CYP2F1: variants seen among roughly 807,000 people sequenced by gnomAD.
CYP2F1 encodes the protein cytochrome P450 family 2 subfamily F member 1, also known as cytochrome P450 2F1.
In CYP2F1, 33 loss-of-function variants were observed where a neutral mutation model predicts 40.4. The ratio of observed to expected loss-of-function variants is 0.82; its 90% confidence interval spans 0.62 to 1.09. CYP2F1 has a LOEUF of 1.09. Among genes scored for constraint, CYP2F1 ranks in the 50% least tolerant of loss-of-function variants. The pLI is 0.00. For missense variants in CYP2F1, 566 were observed against 655.7 expected, an observed-to-expected ratio of 0.86 and a Z score of 1.49; for synonymous variants, 235 against 277.2, an observed-to-expected ratio of 0.85 and a Z score of 1.51.
At chr19:41,127,707 G>C (rs1332797334) in intron 9 of CYP2F1, among the ~76,000 whole-genome samples, 194 bp from the exon 10 acceptor site, 1 of 152,140 alleles carries the variant, frequency 6.6e-6, no homozygotes, top group African/African-American at 2.4e-5. Context: ...ACAGGGCCAG[G>C]ATTCGAACCC....
At chr19:41,122,525 CAT>C (rs1406620567) in intron 6 of CYP2F1, among the ~76,000 whole-genome samples, 3 of 151,762 alleles carry the variant, frequency 2.0e-5, no homozygotes, top group African/African-American at 4.9e-5. Flanking sequence ...TACACACACA[CAT>C]ACACACATAC....
At position 41,116,362 on chromosome 19, in the gene CYP2F1, G is replaced by A. The variant is rs74824096; in HGVS notation, c.171+3G>A. ...ACATGCTGACTTCTCTCACTAAGGT[G>A]CAAGGCCCTTAGCTTGGGTGATGGT... On this transcript the variant is annotated splice_donor_region_variant and intron_variant, in intron 2 of 9. Transcript: ENST00000331105. The A allele has an allele frequency of 0.051, 82,798 of 1,613,498 alleles. 2,503 individuals are homozygous for A. The highest frequency in any genetic ancestry group is 0.12 in the Admixed American group (7,152 of 59,912).
chr19:41,124,572 T>C, intron 7 of CYP2F1, 147 bp from the exon 8 acceptor site: 1 of 722,316 alleles, frequency 1.4e-6, no homozygotes, highest in East Asian at 2.8e-5. Context: ...CAGCTCTAGC[T>C]AATTCTCACG....
In CYP2F1 at chr19:41,126,022, A is replaced by G. The variant is rs139750434; in HGVS notation, c.1294+388A>G. Among the ~76,000 whole-genome samples, 907 of 151,828 alleles carry G rather than the reference A, an allele frequency of 6.0e-3. 4 individuals are homozygous for G. The highest frequency in any genetic ancestry group is 0.011 in the Admixed American group (160 of 15,192). ...GTGGTGGGCGCATGTAGTCCCCGCT[A>G]CTCTGGAGGCTGAGACAGGAAAATC... On this transcript the variant is annotated intron_variant, in intron 9 of 9. Coordinates refer to ENST00000331105, the MANE Select transcript of CYP2F1 (RefSeq NM_000774.5).
At chr19:41,127,531 G>C (rs2032590974) in intron 9 of CYP2F1, among the ~76,000 whole-genome samples, 1 of 152,070 alleles carries the variant, frequency 6.6e-6, no homozygotes, top group African/African-American at 2.4e-5. Flanking sequence ...ATGGGATCTT[G>C]CTGTGTTGCC....
At chr19:41,119,474 C>T (rs145737708) in intron 3 of CYP2F1, among the ~76,000 whole-genome samples, 1,688 of 151,736 alleles carry the variant, frequency 0.011, 31 homozygotes, top group African/African-American at 0.037. Context: ...TTAGGCCAGG[C>T]GCAGTGGCTC....
intron 3 of CYP2F1, among the ~76,000 whole-genome samples, chr19:41,117,140 T>C (rs542572225): frequency 1.3e-5 from 2 of 152,222 alleles, no homozygotes; most frequent in South Asian, 2.1e-4. Flanking sequence ...TGAATTTTTT[T>C]TTTTTATCTG....
At chr19:41,118,495 T>C (rs1287006571) in intron 3 of CYP2F1, among the ~76,000 whole-genome samples, 1 of 152,152 alleles carries the variant, frequency 6.6e-6, no homozygotes, top group African/African-American at 2.4e-5. Context: ...TATTACAATA[T>C]TGTGTATTAG....
Position 41,122,909 on chromosome 19 carries a change from A to G in CYP2F1, c.910A>G (p.Ser304Gly). The change falls in exon 7 of 10, where the codon AGC becomes GGC. Residue 304 changes from serine to glycine, a missense_variant. Coordinates refer to ENST00000331105, the MANE Select transcript of CYP2F1 (RefSeq NM_000774.5). Reference sequence around the variant, plus strand: ...GCTCTTTGGCGGCACCAAGACGGTGAGCACCACGCTGCACCACGCCTTCCT... The same window carrying G: ...GCTCTTTGGCGGCACCAAGACGGTGGGCACCACGCTGCACCACGCCTTCCT... ...NLLFGGTKTV[S>G]TTLHHAFLAL... The G allele has an allele frequency of 1.2e-6, 2 of 1,610,570 alleles. No homozygotes were observed. The highest frequency in any genetic ancestry group is 1.1e-5 in the South Asian group (1 of 90,580).
At chr19:41,127,702 G>A (rs978083054) in intron 9 of CYP2F1, among the ~76,000 whole-genome samples, 199 bp from the exon 10 acceptor site, 4 of 152,124 alleles carry the variant, frequency 2.6e-5, no homozygotes, top group Admixed American at 6.6e-5. Flanking sequence ...TAGTGACAGG[G>A]CCAGGATTCG....
intron 4 of CYP2F1, among the ~76,000 whole-genome samples, chr19:41,120,825 ACTT>A (rs2032153079): frequency 6.9e-6 from 1 of 145,414 alleles, no homozygotes; most frequent in African/African-American, 2.6e-5. Flanking sequence ...CATCCATTCT[ACTT>A]TTTTTTTTTT....
rs1456290498 is a variant in CYP2F1 at position 41,119,729 on chromosome 19, A to C, written c.335-618A>C. Among the ~76,000 whole-genome samples, 181 of 39,280 alleles carry C rather than the reference A, an allele frequency of 4.6e-3. 2 individuals carry two copies. The highest frequency in any genetic ancestry group is 7.9e-3 in the African/African-American group (85 of 10,740). The allele number at this position is 39,280 out of a possible 152,430, so 25.8% of individuals were successfully genotyped here. Reference sequence around the variant, plus strand: ...TCTCTCTCTCTCTCTCTCTCTATATATATATATATATATATATATACACAC... The same window carrying C: ...TCTCTCTCTCTCTCTCTCTCTATATCTATATATATATATATATATACACAC... On this transcript the variant is annotated intron_variant, in intron 3 of 9. Transcript: ENST00000331105.
rs1290627675 is a variant in CYP2F1, at chr19:41,119,723, CTATATATA to C, written c.335-605_335-598del. ...TCTCTCTCTCTCTCTCTCTCTCTCT[CTATATATA>C]TATATATATATATATATACACACAC... On this transcript the variant is annotated intron_variant, in intron 3 of 9. Coordinates refer to ENST00000331105, the MANE Select transcript of CYP2F1 (RefSeq NM_000774.5). 1.7e-4 allele frequency among the ~76,000 whole-genome samples: 6 copies of C among 35,830 alleles called. No homozygotes were observed. In the South Asian group the frequency reaches 5.5e-3, roughly 33 times the overall value. 23.5% of individuals were successfully genotyped at this position (35,830 alleles called of 152,430 possible). A position where few individuals can be genotyped will look rare whatever the true frequency, so the allele number is the denominator to read the frequency against.
At position 41,127,906 on chromosome 19, in the gene CYP2F1, C is replaced by T. The variant is rs752314707; in HGVS notation, c.1300C>T (p.Arg434Cys). Residue 434 changes from arginine to cysteine, a missense_variant, in exon 10 of 10, where the codon CGT becomes TGT. Physicochemically the swap from Arg to Cys is radical, Grantham distance 180. Transcript: ENST00000331105. ...CCATCCTGCCACCCCTGCAGGGCGC[C>T]GTCTGTGCCTGGGAGAGTCGCTGGC... is the stretch of plus-strand genomic sequence containing the variant. ...PAFMPFSAGR[R>C]LCLGESLARM... 10 of 1,610,960 alleles carry T rather than the reference C, an allele frequency of 6.2e-6. No homozygotes were observed. Among genetic ancestry groups the T allele is most frequent in the Non-Finnish European group, 5.9e-6 (7 of 1,178,846 alleles).
chr19:41,121,565 A>G lies in CYP2F1; in HGVS notation c.592A>G (p.Ile198Val). ...CTATGATGATGAGCGTCTGCTCACC[A>G]TTATCCGCCTTATCAATGACAACTT... is the stretch of plus-strand genomic sequence containing the variant. Reference protein sequence around the residue: ...FDYDDERLLTIIRLINDNFQI... With the variant: ...FDYDDERLLTVIRLINDNFQI... The change falls in exon 5 of 10, where the codon ATT becomes GTT. Residue 198 changes from isoleucine to valine, a missense_variant. Coordinates refer to ENST00000331105, the MANE Select transcript of CYP2F1 (RefSeq NM_000774.5). 2 of 1,610,214 alleles carry G rather than the reference A, an allele frequency of 1.2e-6. No individual in the cohort carries two copies. Among genetic ancestry groups the G allele is most frequent in the Non-Finnish European group, 1.7e-6 (2 of 1,179,726 alleles).
Position 41,123,072 on chromosome 19 carries a change from A to G in CYP2F1, c.964+109A>G, listed in dbSNP as rs558960916. The G allele has an allele frequency of 2.4e-4, 312 of 1,314,222 alleles. 3 individuals carry two copies. In the African/African-American group the frequency reaches 4.2e-3, roughly 18 times the overall value. The allele number at this position is 1,314,222 out of a possible 1,614,324, so 81.4% of individuals were successfully genotyped here. A position where few individuals can be genotyped will look rare whatever the true frequency, so the allele number is the denominator to read the frequency against. ...AGGTCTGATATAGCCTCCTGCTGGC[A>G]CCAGGATTCCACAGCCAAACCCACA... On this transcript the variant is annotated intron_variant, in intron 7 of 9. Transcript: ENST00000331105.
chr19:41,118,780 G>A (rs1165386713), intron 3 of CYP2F1, among the ~76,000 whole-genome samples: 1 of 152,182 alleles, frequency 6.6e-6, no homozygotes, highest in Non-Finnish European at 1.5e-5. Context: ...CTCTTAGTTT[G>A]CTACCATGAG....
chr19:41,128,138 C>A lies in CYP2F1; in HGVS notation c.*56C>A. 1 of 1,524,940 alleles carries A rather than the reference C, an allele frequency of 6.6e-7. No individual in the cohort carries two copies. The highest frequency in any genetic ancestry group is 8.9e-7 in the Non-Finnish European group (1 of 1,127,838). 94.5% of individuals were successfully genotyped at this position (1,524,940 alleles called of 1,614,324 possible). ...CGATGAGGCCCGCCCATGCGGGTTGCTACGTCCCCTTCTTGGTCCACAGTC... is the reference window on the plus strand; with the variant it reads ...CGATGAGGCCCGCCCATGCGGGTTGATACGTCCCCTTCTTGGTCCACAGTC... On this transcript the variant is annotated 3_prime_UTR_variant, in exon 10 of 10. Coordinates refer to ENST00000331105, the MANE Select transcript of CYP2F1 (RefSeq NM_000774.5).
chr19:41,128,182 A>G lies in CYP2F1; in HGVS notation c.*100A>G. ...CACAGTCTGCCCTCATCCCTCTGGC[A>G]GTCACGCTGTCTTCCCTGCATGCTG... On this transcript the variant is annotated 3_prime_UTR_variant, in exon 10 of 10. Coordinates refer to ENST00000331105, the MANE Select transcript of CYP2F1 (RefSeq NM_000774.5). 1 of 1,217,472 alleles carries G rather than the reference A, an allele frequency of 8.2e-7. No individual in the cohort carries two copies. The highest frequency in any genetic ancestry group is 1.1e-6 in the Non-Finnish European group (1 of 893,856). 75.4% of individuals were successfully genotyped at this position (1,217,472 alleles called of 1,614,324 possible). A position where few individuals can be genotyped will look rare whatever the true frequency, so the allele number is the denominator to read the frequency against.
Sources: gnomAD v4.1 joint callset for allele counts (sites outside exome capture counted in the v4.1 genomes callset) on GRCh38, gnomAD v4.1.1 for gene constraint, MANE v1.5 for transcripts, NCBI Gene and HGNC (gene_info 2026-07-23, HGNC 2026-07-21) for gene names.